The following ANKS1B variants were observed in gnomAD, a reference collection of about 807,000 sequenced individuals.
The protein encoded by ANKS1B is ankyrin repeat and sterile alpha motif domain containing 1B.
In ANKS1B, 36 loss-of-function variants were observed where a neutral mutation model predicts 148.3. That is an observed-to-expected ratio of 0.24 (90% CI 0.19 to 0.32). The LOEUF is 0.32. Ranked by LOEUF, ANKS1B falls within the 10% of genes least tolerant of loss-of-function variation. ANKS1B has a pLI of 1.00. For synonymous variants in ANKS1B, 542 were observed against 560.8 expected (o/e 0.97, Z 0.47); for missense variants, 1,157 against 1,542.6 (o/e 0.75, Z 4.19).
At chr12:99,717,015 G>T (rs1449742856) in intron 8 of ANKS1B, among the ~76,000 whole-genome samples, 1 of 152,102 alleles carries the variant, frequency 6.6e-6, no homozygotes, top group Non-Finnish European at 1.5e-5. Context: ...GGAGCTAAAG[G>T]CATAGTCAAA....
chr12:99,697,547 C>T (rs554739069), intron 8 of ANKS1B, among the ~76,000 whole-genome samples: 1 of 152,016 alleles, frequency 6.6e-6, no homozygotes, highest in Admixed American at 6.6e-5. Flanking sequence ...ACTATGGAGA[C>T]AATGAAAAGA....
At chr12:98,799,154 CA>C in intron 21 of ANKS1B, 149 bp from the exon 22 acceptor site, 1 of 482,018 alleles carries the variant, frequency 2.1e-6, no homozygotes, top group Non-Finnish European at 3.6e-6. Context: ...CTAATCCTAA[CA>C]AATAAATGCA....
chr12:99,017,908 CTT>C (rs2099943503), intron 17 of ANKS1B, among the ~76,000 whole-genome samples: 1 of 152,142 alleles, frequency 6.6e-6, no homozygotes, highest in Non-Finnish European at 1.5e-5. Flanking sequence ...TATGTAATCA[CTT>C]GTCTCACTGC....
chr12:99,268,012 A>G (rs897897542), intron 12 of ANKS1B, among the ~76,000 whole-genome samples: 2 of 152,224 alleles, frequency 1.3e-5, no homozygotes, highest in Non-Finnish European at 2.9e-5. Flanking sequence ...CAAAGTAATC[A>G]GCATAAGTGG....
intron 15 of ANKS1B, among the ~76,000 whole-genome samples, chr12:99,129,197 T>C: frequency 6.6e-6 from 1 of 152,236 alleles, no homozygotes; most frequent in African/African-American, 2.4e-5. Flanking sequence ...CATTCAAATG[T>C]ATGCCTGTGG....
chr12:99,489,904 G>A (rs572532337), intron 10 of ANKS1B, among the ~76,000 whole-genome samples: 1 of 152,110 alleles, frequency 6.6e-6, no homozygotes, highest in African/African-American at 2.4e-5. Flanking sequence ...TGATTAAATG[G>A]CAACTGCAGT....
intron 8 of ANKS1B, among the ~76,000 whole-genome samples, chr12:99,756,499 C>T (rs2061580763): frequency 1.3e-5 from 2 of 152,058 alleles, no homozygotes; most frequent in South Asian, 2.1e-4. Flanking sequence ...AATGGTCACA[C>T]TGCCCAAATC....
At chr12:98,887,078 A>C (rs2099741778) in intron 17 of ANKS1B, among the ~76,000 whole-genome samples, 1 of 152,224 alleles carries the variant, frequency 6.6e-6, no homozygotes, top group Non-Finnish European at 1.5e-5. Context: ...ATAGGAATTT[A>C]TACTAAATAA....
chr12:98,815,178 GCAAA>G (rs1182991070), intron 19 of ANKS1B, among the ~76,000 whole-genome samples: 1 of 152,052 alleles, frequency 6.6e-6, no homozygotes, highest in Non-Finnish European at 1.5e-5. Context: ...TCCATCAAAA[GCAAA>G]CAAACTCCTT....
intron 1 of ANKS1B, among the ~76,000 whole-genome samples, chr12:99,931,812 T>C (rs1489786411): frequency 6.6e-6 from 1 of 152,150 alleles, no homozygotes; most frequent in African/African-American, 2.4e-5. Context: ...TTTTAAAATA[T>C]ATAATAAATT....
At chr12:99,620,298 GAGAA>G (rs2098030950) in intron 9 of ANKS1B, among the ~76,000 whole-genome samples, 1 of 152,174 alleles carries the variant, frequency 6.6e-6, no homozygotes, top group South Asian at 2.1e-4. Context: ...ATCTCCAGAT[GAGAA>G]AGATTCTGGC....
intron 17 of ANKS1B, among the ~76,000 whole-genome samples, chr12:98,967,267 C>T (rs993622726): frequency 9.2e-5 from 14 of 152,048 alleles, no homozygotes; most frequent in African/African-American, 1.4e-4. Flanking sequence ...ACTTTGTTTC[C>T]GACGTTGATA....
intron 8 of ANKS1B, among the ~76,000 whole-genome samples, chr12:99,672,728 T>G (rs2098543957): frequency 1.3e-5 from 2 of 152,148 alleles, no homozygotes; most frequent in African/African-American, 4.8e-5. Context: ...TGATTGTCCT[T>G]CCTTGGATAC....
intron 15 of ANKS1B, among the ~76,000 whole-genome samples, chr12:99,148,300 A>G (rs1156423830): frequency 6.6e-6 from 1 of 152,162 alleles, no homozygotes; most frequent in Non-Finnish European, 1.5e-5. Context: ...GAGTTGTATT[A>G]TATACTGCAT....
intron 12 of ANKS1B, among the ~76,000 whole-genome samples, chr12:99,322,040 A>G (rs2085375533): frequency 6.6e-6 from 1 of 152,228 alleles, no homozygotes; most frequent in South Asian, 2.1e-4. Flanking sequence ...TCATTCTACT[A>G]TAAAGACAAA....
chr12:99,865,938 T>G (rs2090687641), intron 1 of ANKS1B, among the ~76,000 whole-genome samples: 1 of 152,090 alleles, frequency 6.6e-6, no homozygotes, highest in South Asian at 2.1e-4. Flanking sequence ...CAAGTCAACA[T>G]GCCCTGTGCT....
At chr12:99,564,043 T>A (rs926558978) in intron 9 of ANKS1B, among the ~76,000 whole-genome samples, 1 of 152,198 alleles carries the variant, frequency 6.6e-6, no homozygotes, top group Non-Finnish European at 1.5e-5. Context: ...ATTCACTCGG[T>A]TCTCTAGAGA....
intron 17 of ANKS1B, among the ~76,000 whole-genome samples, chr12:98,834,129 AC>A (rs757217423): frequency 6.6e-6 from 1 of 152,120 alleles, no homozygotes; most frequent in African/African-American, 2.4e-5. Flanking sequence ...GTCCCCATGC[AC>A]CATATCCCTA....
intron 1 of ANKS1B, among the ~76,000 whole-genome samples, chr12:99,923,038 G>A (rs1339932949): frequency 6.6e-6 from 1 of 152,126 alleles, no homozygotes; most frequent in Non-Finnish European, 1.5e-5. Context: ...ACAGAAGTAT[G>A]AGCAAAGTGC....
Sources: gnomAD v4.1 joint callset for allele counts (sites outside exome capture counted in the v4.1 genomes callset) on GRCh38, gnomAD v4.1.1 for gene constraint, MANE v1.5 for transcripts, NCBI Gene and HGNC (gene_info 2026-07-23, HGNC 2026-07-21) for gene names.